The following TRIM31 variants were observed in gnomAD, a reference collection of about 807,000 sequenced individuals.
The protein encoded by TRIM31 is E3 ubiquitin-protein ligase TRIM31.
Under a neutral mutation model 40.6 loss-of-function variants are expected in TRIM31, and 31 were observed. The observed-to-expected ratio is 0.76, with a 90% CI of 0.57 to 1.03. The LOEUF (loss-of-function observed/expected upper bound fraction) is 1.03, where lower values mean the gene tolerates loss of function less well. TRIM31 is among the 50% of genes least tolerant of loss of function. TRIM31 has a pLI of 0.00. For synonymous variants in TRIM31, 164 were observed against 193.9 expected, an observed-to-expected ratio of 0.85 and a Z score of 1.28; for missense variants, 455 against 497.5, an observed-to-expected ratio of 0.91 and a Z score of 0.81.
intron 6 of TRIM31, 69 bp from the exon 7 acceptor site, chr6:30,105,311 C>T: frequency 1.7e-6 from 2 of 1,177,650 alleles, no homozygotes; most frequent in Non-Finnish European, 1.2e-6. Flanking sequence ...CACTATCACA[C>T]AGCAAGGCAC....
intron 7 of TRIM31, 136 bp downstream of exon 7, chr6:30,105,032 A>G: frequency 2.6e-6 from 2 of 756,430 alleles, no homozygotes; most frequent in South Asian, 3.5e-5. Context: ...AAACAACCAT[A>G]TGCCTGTTCT....
intron 6 of TRIM31, among the ~76,000 whole-genome samples, chr6:30,106,516 C>T (rs965093348): frequency 2.0e-5 from 3 of 152,078 alleles, no homozygotes; most frequent in African/African-American, 7.2e-5. Context: ...TCCCTACCAC[C>T]TCCTGTATTT....
rs747944187 is a variant in TRIM31 at position 30,103,643 on chromosome 6, G to C, written c.1171C>G (p.Gln391Glu). Residue 391 changes from glutamine to glutamate, a missense_variant, in exon 9 of 9, where the codon CAG becomes GAG. Transcript: ENST00000376734. ...DEISGQGASSQDTKTFDVALS... is the reference protein window; with the variant it reads ...DEISGQGASSEDTKTFDVALS... ...GCAACGTCAAATGTCTTCGTATCCTGAGAGCTCGCTCCTTGACCAGAAATC... is the reference window on the plus strand; with the variant it reads ...GCAACGTCAAATGTCTTCGTATCCTCAGAGCTCGCTCCTTGACCAGAAATC... 11 of 1,613,040 alleles carry C rather than the reference G, an allele frequency of 6.8e-6. No individual in the cohort carries two copies. The East Asian group carries it at 2.5e-4, about 36-fold the overall frequency.
intron 3 of TRIM31, 84 bp from the exon 4 acceptor site, chr6:30,110,762 A>G: frequency 1.5e-6 from 2 of 1,337,608 alleles, no homozygotes; most frequent in African/African-American, 1.4e-5. Context: ...AATTTTATTA[A>G]GTTTGTGTGG....
In TRIM31 at chr6:30,110,653, C is replaced by T; in HGVS notation, c.539G>A (p.Arg180Lys). 6.2e-7 allele frequency: 1 copy of T among 1,614,182 alleles called. No individual in the cohort carries two copies. Among genetic ancestry groups the T allele is most frequent in the Non-Finnish European group, 8.5e-7 (1 of 1,180,032 alleles). ...FTDQVEHEKQ[R>K]ILTEFELLHQ... ...CAGGAGTTCAAATTCTGTGAGGATC[C>T]TTTGCTTCTCATGTTCTACCTGGTC... The change falls in exon 4 of 9, where the codon AGG becomes AAG. Residue 180 changes from arginine to lysine, a missense_variant. By Grantham distance (26) the Arg-to-Lys change is conservative. Coordinates refer to ENST00000376734, the MANE Select transcript of TRIM31 (RefSeq NM_007028.5).
chr6:30,104,028 GA>G, intron 8 of TRIM31, 73 bp downstream of exon 8: 1 of 1,483,238 alleles, frequency 6.7e-7, no homozygotes, highest in Non-Finnish European at 9.3e-7. Context: ...CCATTTAGTG[GA>G]ATTGGGTGGA....
intron 4 of TRIM31, among the ~76,000 whole-genome samples, chr6:30,109,817 G>A (rs148074493): frequency 0.012 from 1,759 of 152,068 alleles, 26 homozygotes; most frequent in Admixed American, 0.032. Flanking sequence ...CGCCAAAATC[G>A]CGCCACTGTA....
chr6:30,104,048 T>G, intron 8 of TRIM31, 54 bp downstream of exon 8: 1 of 1,576,918 alleles, frequency 6.3e-7, no homozygotes, highest in Non-Finnish European at 8.7e-7. Context: ...GATACAGCAT[T>G]TTGACCACCT....
Position 30,111,709 on chromosome 6 carries a change from T to G in TRIM31, c.452A>C (p.Gln151Pro). ...CACTTGTACTGTCTCCTTCTCCTTT[T>G]GCTGCAAGACTTGGATCTGCTCTTG... ...QIQEQIQVLQ[Q>P]KEKETVQVKA... The change falls in exon 3 of 9, where the codon CAA becomes CCA. Residue 151 changes from glutamine (Q) to proline (P), a missense_variant. Transcript: ENST00000376734. 6.2e-7 allele frequency: 1 copy of G among 1,614,246 alleles called. No homozygotes were observed. The highest frequency in any genetic ancestry group is 1.1e-5 in the South Asian group (1 of 91,088).
rs2127377555 is a variant in TRIM31, at chr6:30,103,380, T to C, written c.*156A>G. 1.9e-6 allele frequency: 1 copy of C among 537,276 alleles called. No individual in the cohort carries two copies. Among genetic ancestry groups the C allele is most frequent in the Non-Finnish European group, 3.3e-6 (1 of 301,470 alleles). The allele number at this position is 537,276 out of a possible 1,614,324, so 33.3% of individuals were successfully genotyped here. A position where few individuals can be genotyped will look rare whatever the true frequency, so the allele number is the denominator to read the frequency against. Reference sequence around the variant, plus strand: ...CTCTTCACCACCACCCCCGCCCCCATCTCCACTCTCAGTAGCCCGAGCCCT... The same window carrying C: ...CTCTTCACCACCACCCCCGCCCCCACCTCCACTCTCAGTAGCCCGAGCCCT... On this transcript the variant is annotated 3_prime_UTR_variant, in exon 9 of 9. Transcript: ENST00000376734.
At position 30,110,533 on chromosome 6, in the gene TRIM31, G is replaced by A. The variant is rs1769191680; in HGVS notation, c.659C>T (p.Ser220Phe). The change falls in exon 4 of 9, where the codon TCC becomes TTC. Residue 220 changes from serine (S) to phenylalanine (F), a missense_variant. By Grantham distance (155) the Ser-to-Phe change is radical (BLOSUM62 -2). Transcript: ENST00000376734. Reference protein sequence around the residue: ...GTEAGKHYVASTEPQLNDLKK... With the variant: ...GTEAGKHYVAFTEPQLNDLKK... ...GAGATCGTTCAACTGTGGCTCAGTG[G>A]AGGCAACATAGTGTTTCCCCGCTTC... 6.2e-7 allele frequency: 1 copy of A among 1,614,178 alleles called. No homozygotes were observed. Among genetic ancestry groups the A allele is most frequent in the Non-Finnish European group, 8.5e-7 (1 of 1,180,048 alleles).
chr6:30,103,788 G>A lies in TRIM31; in HGVS notation c.1026C>T (p.Gly342=), dbSNP rs1562031756. ...KTSEPGSSSA[G]GRTTSGPPNH... ...TTGGTGGCCCCGATGTAGTTCTGCC[G>A]CCTTTGCGGGAGAAGGAAAGGAGAA... Residue 342 remains glycine (G), a splice_region_variant and synonymous_variant, in exon 9 of 9, where the codon GGC becomes GGT. Coordinates refer to ENST00000376734, the MANE Select transcript of TRIM31 (RefSeq NM_007028.5). The A allele has an allele frequency of 6.2e-7, 1 of 1,612,846 alleles. No homozygotes were observed. The highest frequency in any genetic ancestry group is 1.7e-5 in the Admixed American group (1 of 60,002).
chr6:30,111,667 T>A lies in TRIM31; in HGVS notation c.494A>T (p.His165Leu). The A allele has an allele frequency of 1.2e-6, 2 of 1,614,254 alleles. No individual in the cohort carries two copies. Among genetic ancestry groups the A allele is most frequent in the Non-Finnish European group, 1.7e-6 (2 of 1,180,034 alleles). Residue 165 changes from histidine (H) to leucine (L), a missense_variant, in exon 3 of 9, where the codon CAC becomes CTC. Physicochemically the swap from His to Leu is moderately conservative, Grantham distance 99. Coordinates refer to ENST00000376734, the MANE Select transcript of TRIM31 (RefSeq NM_007028.5). ...ETVQVKAQGV[H>L]RVDVFTDQVE... is the part of the protein sequence containing the mutation. The stretch of plus-strand genomic sequence containing the variant: ...TCTTACCGTGAAGACATCGACCCTG[T>A]GTACACCTTGTGCCTTCACTTGTAC...
chr6:30,109,251 T>A (rs1238553034), intron 4 of TRIM31, among the ~76,000 whole-genome samples: 1 of 152,042 alleles, frequency 6.6e-6, no homozygotes, highest in Non-Finnish European at 1.5e-5. Flanking sequence ...CAGAAAAGTG[T>A]TTTGACCTCA....
intron 5 of TRIM31, among the ~76,000 whole-genome samples, chr6:30,108,559 CAAAAAAA>C (rs28381623): frequency 6.4e-4 from 62 of 96,586 alleles, no homozygotes; most frequent in East Asian, 1.4e-3. Context: ...AGCTCCATCT[CAAAAAAA>C]AAAAAAAAAA....
At chr6:30,107,902 T>C in intron 6 of TRIM31, 151 bp downstream of exon 6, 1 of 617,810 alleles carries the variant, frequency 1.6e-6, no homozygotes. Flanking sequence ...GGAGGCATAC[T>C]GATGCGTGGA....
In TRIM31 at chr6:30,103,640, C is replaced by A. The variant is rs1167179918; in HGVS notation, c.1174G>T (p.Asp392Tyr). 1 of 1,613,058 alleles carries A rather than the reference C, an allele frequency of 6.2e-7. No individual in the cohort carries two copies. The highest frequency in any genetic ancestry group is 8.5e-7 in the Non-Finnish European group (1 of 1,180,028). The change falls in exon 9 of 9, where the codon GAT becomes TAT. Residue 392 changes from aspartate (D) to tyrosine (Y), a missense_variant. Coordinates refer to ENST00000376734, the MANE Select transcript of TRIM31 (RefSeq NM_007028.5). ...EISGQGASSQ[D>Y]TKTFDVALSE... ...AGCGCAACGTCAAATGTCTTCGTATCCTGAGAGCTCGCTCCTTGACCAGAA... is the reference window on the plus strand; with the variant it reads ...AGCGCAACGTCAAATGTCTTCGTATACTGAGAGCTCGCTCCTTGACCAGAA...
Position 30,108,091 on chromosome 6 carries a change from C to A in TRIM31, c.845G>T (p.Arg282Ile), listed in dbSNP as rs1768900590. Residue 282 changes from arginine to isoleucine, a missense_variant, in exon 6 of 9, where the codon AGA becomes ATA. By Grantham distance (97) the Arg-to-Ile change is moderately conservative (BLOSUM62 -3). Transcript: ENST00000376734. The part of the protein sequence containing the change: ...LEKKLSEAKS[R>I]HDSITGSLKK... Reference sequence around the variant, plus strand: ...TAGGCTCCCTGTGATGGAGTCATGTCTTGATTTTGCTTCACTGAGTTTTTT... The same window carrying A: ...TAGGCTCCCTGTGATGGAGTCATGTATTGATTTTGCTTCACTGAGTTTTTT... The A allele has an allele frequency of 1.9e-6, 3 of 1,594,450 alleles. No individual in the cohort carries two copies. In the African/African-American group the frequency reaches 4.0e-5, roughly 21 times the overall value.
At position 30,112,505 on chromosome 6, in the gene TRIM31, TCTC is replaced by T. The variant is rs1461033443; in HGVS notation, c.298_300del (p.Glu100del). 1.2e-6 allele frequency: 2 copies of T among 1,612,972 alleles called. No homozygotes were observed. Among genetic ancestry groups the T allele is most frequent in the Non-Finnish European group, 1.7e-6 (2 of 1,180,032 alleles). On this transcript the variant is annotated inframe_deletion, in exon 2 of 9. Transcript: ENST00000376734. ...TCATCCTCGCAGAAATAGTGGAACATCTCCTGGTGCCTCGGGCATGTAGCCTCT... is the reference window on the plus strand; with the variant it reads ...TCATCCTCGCAGAAATAGTGGAACATCTGGTGCCTCGGGCATGTAGCCTCT...
Sources: gnomAD v4.1 joint callset for allele counts (sites outside exome capture counted in the v4.1 genomes callset) on GRCh38, gnomAD v4.1.1 for gene constraint, MANE v1.5 for transcripts, NCBI Gene and HGNC (gene_info 2026-07-23, HGNC 2026-07-21) for gene names.